Variants in NUBPL observed in about 807,000 individuals in gnomAD.
NUBPL encodes NUBP iron-sulfur cluster assembly factor, mitochondrial.
Under a neutral mutation model 45.7 loss-of-function variants are expected in NUBPL, and 31 were observed. The observed-to-expected ratio is 0.68, with a 90% CI of 0.51 to 0.92. NUBPL has a LOEUF of 0.92. Among genes scored for constraint, NUBPL ranks in the 40% least tolerant of loss-of-function variants. The pLI, the probability that NUBPL is intolerant of heterozygous loss-of-function variation, is 0.00. For missense variants in NUBPL, 401 were observed against 398.7 expected (o/e 1.01, Z -0.05); for synonymous variants, 144 against 140.9 (o/e 1.02, Z -0.15).
At chr14:31,673,293 A>T (rs575256138) in intron 4 of NUBPL, 62 bp from the exon 5 acceptor site, 2 of 1,425,234 alleles carry the variant, frequency 1.4e-6, no homozygotes, top group African/African-American at 1.5e-5. Context: ...AAAAAACCCA[A>T]TTCAGAATGT....
chr14:31,652,416 T>C (rs1377600515), intron 4 of NUBPL, among the ~76,000 whole-genome samples: 2 of 152,152 alleles, frequency 1.3e-5, no homozygotes, highest in African/African-American at 4.8e-5. Context: ...CATTGTGCAC[T>C]TGAAAATTGC....
intron 6 of NUBPL, among the ~76,000 whole-genome samples, chr14:31,739,212 AT>A (rs1396470029): frequency 1.1e-5 from 1 of 94,740 alleles, no homozygotes; most frequent in East Asian, 4.6e-4. Flanking sequence ...CTATATATAT[AT>A]TATATTATAT....
chr14:31,573,112 G>T (rs1242050340), intron 3 of NUBPL, among the ~76,000 whole-genome samples: 2 of 152,144 alleles, frequency 1.3e-5, no homozygotes, highest in Non-Finnish European at 2.9e-5. Flanking sequence ...CAGTAGGTTT[G>T]TTTACACCAA....
intron 3 of NUBPL, among the ~76,000 whole-genome samples, chr14:31,579,274 T>C (rs1399655578): frequency 6.6e-6 from 1 of 152,204 alleles, no homozygotes; most frequent in Non-Finnish European, 1.5e-5. Context: ...AATCCTGTTC[T>C]CCACATACGC....
intron 6 of NUBPL, among the ~76,000 whole-genome samples, chr14:31,739,752 C>A (rs2038243796): frequency 6.6e-6 from 1 of 152,114 alleles, no homozygotes; most frequent in South Asian, 2.1e-4. Context: ...TGACATATAT[C>A]AACTGTAATA....
At chr14:31,764,907 A>G (rs79510592) in intron 6 of NUBPL, among the ~76,000 whole-genome samples, 2,035 of 152,222 alleles carry the variant, frequency 0.013, 110 homozygotes, top group Admixed American at 0.09. Context: ...TCTTAATCCT[A>G]TTTCTCACCG....
At chr14:31,636,781 C>G (rs947052110) in intron 4 of NUBPL, among the ~76,000 whole-genome samples, 4 of 152,154 alleles carry the variant, frequency 2.6e-5, no homozygotes, top group African/African-American at 9.7e-5. Context: ...TGTTATTGGT[C>G]TATTCAGAGA....
intron 6 of NUBPL, among the ~76,000 whole-genome samples, chr14:31,755,911 A>G (rs2038650058): frequency 2.6e-5 from 4 of 151,384 alleles, no homozygotes; most frequent in African/African-American, 9.7e-5. Context: ...TCAGCTTTGT[A>G]CATATGGCTA....
chr14:31,688,231 A>G (rs149966668), intron 6 of NUBPL, among the ~76,000 whole-genome samples: 41 of 152,272 alleles, frequency 2.7e-4, no homozygotes, highest in African/African-American at 9.9e-4. Flanking sequence ...ATGTAACAGG[A>G]GAGGCAGTTT....
chr14:31,582,245 A>G (rs1050215886), intron 3 of NUBPL, among the ~76,000 whole-genome samples: 1 of 152,134 alleles, frequency 6.6e-6, no homozygotes, highest in African/African-American at 2.4e-5. Flanking sequence ...AAATTAATTT[A>G]TATGTAAATA....
At chr14:31,806,047 A>T (rs561725066) in intron 7 of NUBPL, among the ~76,000 whole-genome samples, 2 of 152,352 alleles carry the variant, frequency 1.3e-5, no homozygotes, top group African/African-American at 4.8e-5. Flanking sequence ...TAAATTCATT[A>T]AACATTTATA....
intron 7 of NUBPL, among the ~76,000 whole-genome samples, chr14:31,822,037 A>G (rs1320608875): frequency 6.6e-6 from 1 of 152,126 alleles, no homozygotes; most frequent in Non-Finnish European, 1.5e-5. Context: ...GAGGTAGGGA[A>G]GGGTAGTGGG....
chr14:31,685,107 C>T (rs749882673), intron 6 of NUBPL, among the ~76,000 whole-genome samples: 19 of 152,176 alleles, frequency 1.2e-4, no homozygotes, highest in Non-Finnish European at 5.9e-5. Context: ...AATTTCAGCT[C>T]ACACCTCAGA....
At chr14:31,739,839 T>C (rs2038245675) in intron 6 of NUBPL, among the ~76,000 whole-genome samples, 1 of 152,228 alleles carries the variant, frequency 6.6e-6, no homozygotes, top group African/African-American at 2.4e-5. Flanking sequence ...CTCTGACCCC[T>C]GATATGCACT....
At chr14:31,820,712 T>G (rs565415821) in intron 7 of NUBPL, among the ~76,000 whole-genome samples, 83 of 151,370 alleles carry the variant, frequency 5.5e-4, no homozygotes, top group African/African-American at 1.9e-3. Context: ...TAATCCCAGC[T>G]ACTCAGGAGG....
intron 4 of NUBPL, among the ~76,000 whole-genome samples, chr14:31,649,002 G>A (rs934728707): frequency 6.6e-6 from 1 of 152,140 alleles, no homozygotes; most frequent in Non-Finnish European, 1.5e-5. Context: ...TAGAGACGGG[G>A]TTTCACCATG....
At chr14:31,704,294 C>T (rs2037399709) in intron 6 of NUBPL, among the ~76,000 whole-genome samples, 1 of 152,152 alleles carries the variant, frequency 6.6e-6, no homozygotes, top group South Asian at 2.1e-4. Flanking sequence ...AGAAGCCTGC[C>T]TCTTGGGTAT....
chr14:31,629,327 C>G (rs190686954), intron 4 of NUBPL, among the ~76,000 whole-genome samples: 1 of 152,220 alleles, frequency 6.6e-6, no homozygotes, highest in Admixed American at 6.5e-5. Context: ...TAGTTTGTGT[C>G]TAATGTCAGG....
At chr14:31,802,450 G>C (rs1157717532) in intron 7 of NUBPL, among the ~76,000 whole-genome samples, 1 of 151,956 alleles carries the variant, frequency 6.6e-6, no homozygotes, top group Admixed American at 6.6e-5. Context: ...TAATTTTTTT[G>C]TATTTTTAGT....
Sources: allele counts gnomAD v4.1 joint callset (sites outside exome capture counted in the v4.1 genomes callset), GRCh38; gene constraint gnomAD v4.1.1; transcripts MANE v1.5; gene names NCBI Gene and HGNC (gene_info 2026-07-23, HGNC 2026-07-21).